The following BMPR2 variants were observed in gnomAD, a reference collection of about 807,000 sequenced individuals.
The protein encoded by BMPR2 is bone morphogenetic protein receptor type 2.
In BMPR2, 29 loss-of-function variants were observed where a neutral mutation model predicts 100.8. The ratio of observed to expected loss-of-function variants is 0.29; its 90% confidence interval spans 0.21 to 0.39. BMPR2 has a LOEUF of 0.39. Ranked by LOEUF, BMPR2 falls within the 10% of genes least tolerant of loss-of-function variation. The pLI is 1.00. For missense variants in BMPR2, 1,011 were observed against 1,274.5 expected (o/e 0.79, Z 3.15); for synonymous variants, 382 against 442.3 (o/e 0.86, Z 1.71).
At chr2:202,465,341 T>C (rs1002147231) in intron 2 of BMPR2, among the ~76,000 whole-genome samples, 3 of 151,814 alleles carry the variant, frequency 2.0e-5, no homozygotes, top group African/African-American at 4.8e-5. Context: ...TGAGCTGAGA[T>C]GTCACCAGTG....
intron 3 of BMPR2, among the ~76,000 whole-genome samples, chr2:202,484,466 A>C (rs1000058273): frequency 1.3e-5 from 2 of 150,922 alleles, no homozygotes; most frequent in African/African-American, 4.9e-5. Flanking sequence ...TGAGGTCAGG[A>C]GATCGAGACC....
chr2:202,402,353 C>T lies in BMPR2; in HGVS notation c.76+24803C>T, dbSNP rs375702186. The stretch of plus-strand genomic sequence containing the variant: ...CCAACATGGTGAAACCCTGTCTCTA[C>T]TAAAAATATAAAAAGTTAGCCGGGT... On this transcript the variant is annotated intron_variant, in intron 1 of 12. Coordinates refer to ENST00000374580, the MANE Select transcript of BMPR2 (RefSeq NM_001204.7). Among the ~76,000 whole-genome samples, 40 of 151,816 alleles carry T rather than the reference C, an allele frequency of 2.6e-4. No individual in the cohort carries two copies. In the East Asian group the frequency reaches 6.4e-3, roughly 24 times the overall value.
chr2:202,515,799 G>A (rs556908404), intron 5 of BMPR2, among the ~76,000 whole-genome samples: 4 of 152,188 alleles, frequency 2.6e-5, no homozygotes, highest in African/African-American at 7.2e-5. Context: ...TGAGGCTAGC[G>A]AATTGCTTGA....
chr2:202,557,857 G>A (rs959764051), intron 12 of BMPR2, among the ~76,000 whole-genome samples: 43 of 152,130 alleles, frequency 2.8e-4, no homozygotes, highest in Admixed American at 8.5e-4. Context: ...GCTATGAAAA[G>A]TTGAAATAAA....
At chr2:202,411,891 G>A (rs917360864) in intron 1 of BMPR2, among the ~76,000 whole-genome samples, 3 of 152,112 alleles carry the variant, frequency 2.0e-5, no homozygotes, top group Non-Finnish European at 4.4e-5. Context: ...ATATTGGAGC[G>A]ATCTAAAGAA....
In BMPR2 at chr2:202,563,025, T is replaced by G. The variant is rs1357487884; in HGVS notation, c.*3079T>G. 6.6e-6 allele frequency: 1 copy of G among 152,200 alleles called. No individual in the cohort carries two copies. The highest frequency in any genetic ancestry group is 2.4e-5 in the African/African-American group (1 of 41,452). 9.4% of individuals were successfully genotyped at this position (152,200 alleles called of 1,614,324 possible). On this transcript the variant is annotated 3_prime_UTR_variant, in exon 13 of 13. Coordinates refer to ENST00000374580, the MANE Select transcript of BMPR2 (RefSeq NM_001204.7). ...AAGTAATATGCCCAAGGTCCACATCTAGTAACAGACAAAGCTGGGATTTCA... is the reference window on the plus strand; with the variant it reads ...AAGTAATATGCCCAAGGTCCACATCGAGTAACAGACAAAGCTGGGATTTCA...
intron 1 of BMPR2, among the ~76,000 whole-genome samples, chr2:202,383,688 A>G (rs1338200760): frequency 2.0e-5 from 3 of 147,302 alleles, no homozygotes; most frequent in African/African-American, 7.7e-5. Flanking sequence ...AAAAAAAAAA[A>G]GAAAAAAACA....
chr2:202,467,269 A>G (rs1234237168), intron 2 of BMPR2, among the ~76,000 whole-genome samples: 1 of 152,180 alleles, frequency 6.6e-6, no homozygotes, highest in African/African-American at 2.4e-5. Flanking sequence ...GCCTCAATAA[A>G]TAAATAAATA....
chr2:202,465,194 T>C (rs1289186268), intron 2 of BMPR2, among the ~76,000 whole-genome samples: 1 of 152,066 alleles, frequency 6.6e-6, no homozygotes, highest in African/African-American at 2.4e-5. Context: ...GAGACCAGCC[T>C]GGGTAATAAC....
intron 1 of BMPR2, among the ~76,000 whole-genome samples, chr2:202,436,208 C>A (rs749950664): frequency 6.6e-6 from 1 of 150,692 alleles, no homozygotes; most frequent in Non-Finnish European, 1.5e-5. Context: ...AATCCCAGCA[C>A]TTTGGGAGGC....
chr2:202,471,360 T>C (rs140729694), intron 3 of BMPR2, among the ~76,000 whole-genome samples: 1 of 152,254 alleles, frequency 6.6e-6, no homozygotes, highest in African/African-American at 2.4e-5. Context: ...AGGGGCAGTT[T>C]CAATGAGGAG....
At chr2:202,559,305 A>C (rs201087798) in intron 12 of BMPR2, among the ~76,000 whole-genome samples, 13,120 of 148,608 alleles carry the variant, frequency 0.088, 687 homozygotes, top group Non-Finnish European at 0.12. Flanking sequence ...CCATCCCCCA[A>C]AAAAAAAAAA....
chr2:202,559,453 G>A (rs1688644247), intron 12 of BMPR2, among the ~76,000 whole-genome samples: 1 of 152,186 alleles, frequency 6.6e-6, no homozygotes, highest in Non-Finnish European at 1.5e-5. Context: ...TGTTTTGTGT[G>A]TGTGTGTTTT....
intron 1 of BMPR2, among the ~76,000 whole-genome samples, chr2:202,414,702 G>T (rs941856660): frequency 6.6e-6 from 1 of 152,118 alleles, no homozygotes; most frequent in African/African-American, 2.4e-5. Flanking sequence ...ATTCCCTTAG[G>T]TCAAAACCTA....
intron 3 of BMPR2, among the ~76,000 whole-genome samples, chr2:202,484,703 AC>A (rs1303254864): frequency 3.4e-5 from 5 of 147,970 alleles, no homozygotes; most frequent in Non-Finnish European, 7.5e-5. Flanking sequence ...GCGGTGGCTC[AC>A]GCCTGTAATC....
chr2:202,501,689 C>G (rs1174721030), intron 3 of BMPR2, among the ~76,000 whole-genome samples: 1 of 152,216 alleles, frequency 6.6e-6, no homozygotes, highest in African/African-American at 2.4e-5. Context: ...CTGGATTACT[C>G]ATGATGTAAA....
chr2:202,453,407 C>T (rs367807859), intron 1 of BMPR2, among the ~76,000 whole-genome samples: 1 of 152,030 alleles, frequency 6.6e-6, no homozygotes. Context: ...TTGGAAGCAA[C>T]CTAAGTGGCC....
At chr2:202,463,580 G>A (rs1692262667) in intron 1 of BMPR2, among the ~76,000 whole-genome samples, 1 of 152,174 alleles carries the variant, frequency 6.6e-6, no homozygotes, top group African/African-American at 2.4e-5. Context: ...AAGTGTATTA[G>A]ACTATTATTT....
intron 1 of BMPR2, among the ~76,000 whole-genome samples, chr2:202,439,198 CTAA>C (rs1313578978): frequency 6.7e-6 from 1 of 149,790 alleles, no homozygotes; most frequent in Non-Finnish European, 1.5e-5. Flanking sequence ...ACATTTATTC[CTAA>C]TAATTTTGTT....
Sources: allele counts gnomAD v4.1 joint callset (sites outside exome capture counted in the v4.1 genomes callset), GRCh38; gene constraint gnomAD v4.1.1; transcripts MANE v1.5; gene names NCBI Gene and HGNC (gene_info 2026-07-23, HGNC 2026-07-21).